Variants in LEPR observed in about 807,000 individuals in gnomAD.
The protein encoded by LEPR is OB receptor.
LEPR carries 56 observed loss-of-function variants against 114.7 expected under a neutral mutation model. That is an observed-to-expected ratio of 0.49 (90% CI 0.39 to 0.61). LEPR has a LOEUF of 0.61. Ranked by LOEUF, LEPR falls within the 20% of genes least tolerant of loss-of-function variation. The pLI is 0.00. For missense variants in LEPR, 1,202 were observed against 1,352.9 expected (o/e 0.89, Z 1.75); for synonymous variants, 443 against 461.4 (o/e 0.96, Z 0.51).
intron 2 of LEPR, among the ~76,000 whole-genome samples, chr1:65,426,967 T>C (rs1049523420): frequency 4.0e-5 from 6 of 151,238 alleles, no homozygotes; most frequent in Admixed American, 6.6e-5. Flanking sequence ...CACTGCACTC[T>C]AGCCTGGCGA....
In LEPR at chr1:65,518,895, TTCTTTCTTTCTTTCTTTCTTTC is replaced by T. The variant is rs1170360989; in HGVS notation, c.-20-46647_-20-46626del. On this transcript the variant is annotated intron_variant, in intron 2 of 19. Coordinates refer to ENST00000349533, the MANE Select transcript of LEPR (RefSeq NM_002303.6). ...TCTTTTTCTTTCTTTCTTTCTTTCT[TTCTTTCTTTCTTTCTTTCTTTC>T]TCTCTTTCTCTGTTTCTTTCTTTCT... Among the ~76,000 whole-genome samples the T allele has an allele frequency of 5.3e-3, 464 of 88,092 alleles. 3 individuals carry two copies. Among genetic ancestry groups the T allele is most frequent in the Non-Finnish European group, 0.01 (374 of 36,708 alleles). The allele number at this position is 88,092 out of a possible 152,430, so 57.8% of individuals were successfully genotyped here.
intron 2 of LEPR, chr1:65,428,058 C>T (rs1274558390): frequency 6.5e-6 from 1 of 154,728 alleles, no homozygotes; most frequent in African/African-American, 2.4e-5. Context: ...TTGCATTGCT[C>T]TGCCAATTAT....
At chr1:65,535,749 G>T (rs1650728532) in intron 2 of LEPR, among the ~76,000 whole-genome samples, 1 of 152,084 alleles carries the variant, frequency 6.6e-6, no homozygotes, top group Non-Finnish European at 1.5e-5. Flanking sequence ...TGATTAATAG[G>T]ATTCTAAACT....
chr1:65,600,158 G>A (rs1656347874), intron 8 of LEPR, among the ~76,000 whole-genome samples: 1 of 151,972 alleles, frequency 6.6e-6, no homozygotes, highest in South Asian at 2.1e-4. Context: ...AGACTTTTGA[G>A]GCAGTTGAGT....
At chr1:65,540,113 TAC>T (rs1651083273) in intron 2 of LEPR, among the ~76,000 whole-genome samples, 1 of 152,178 alleles carries the variant, frequency 6.6e-6, no homozygotes, top group Admixed American at 6.5e-5. Flanking sequence ...GTGAATTACA[TAC>T]GCAGATATTA....
intron 5 of LEPR, among the ~76,000 whole-genome samples, chr1:65,591,049 A>T (rs1655661780): frequency 6.6e-6 from 1 of 151,940 alleles, no homozygotes; most frequent in African/African-American, 2.4e-5. Context: ...GTTGTATTTT[A>T]ATTTTCATGT....
chr1:65,422,880 G>A (rs1452764086), intron 1 of LEPR, among the ~76,000 whole-genome samples: 1 of 152,202 alleles, frequency 6.6e-6, no homozygotes, highest in Non-Finnish European at 1.5e-5. Context: ...TGGCAGCGGT[G>A]ATATATATAG....
chr1:65,580,337 G>A (rs901469459), intron 5 of LEPR, among the ~76,000 whole-genome samples: 38 of 152,140 alleles, frequency 2.5e-4, no homozygotes, highest in Non-Finnish European at 4.4e-4. Flanking sequence ...CTATAGAAAA[G>A]CTTTGAATCA....
intron 2 of LEPR, among the ~76,000 whole-genome samples, chr1:65,532,428 G>A (rs937990165): frequency 1.3e-5 from 2 of 152,084 alleles, no homozygotes; most frequent in African/African-American, 2.4e-5. Context: ...AATGCTAAAC[G>A]TAAGTGTTTA....
chr1:65,524,480 G>C (rs1163752875), intron 2 of LEPR, among the ~76,000 whole-genome samples: 1 of 152,214 alleles, frequency 6.6e-6, no homozygotes, highest in Non-Finnish European at 1.5e-5. Context: ...TCTGAGAGGC[G>C]ATTCCTATGA....
chr1:65,432,525 TA>T, intron 2 of LEPR: 1 of 770,088 alleles, frequency 1.3e-6, no homozygotes, highest in Non-Finnish European at 1.6e-6. Context: ...TTCCAGTGGC[TA>T]AACCACTTAA....
chr1:65,572,297 T>C, intron 4 of LEPR, 29 bp from the exon 5 acceptor site: 1 of 1,399,982 alleles, frequency 7.1e-7, no homozygotes. Flanking sequence ...GTTGTTTTTT[T>C]TTTTTTTTTT....
At chr1:65,440,000 C>CAAAAAAAAAAAAAAAAAAAA (rs550347312) in intron 2 of LEPR, among the ~76,000 whole-genome samples, 1 of 58,136 alleles carries the variant, frequency 1.7e-5, no homozygotes, top group Non-Finnish European at 2.9e-5. Flanking sequence ...GATTCTGTCT[C>CAAAAAAAAAAAAAAAAAAAA]AAAAAAAAAA....
At chr1:65,518,923 T>TTC (rs141195595) in intron 2 of LEPR, among the ~76,000 whole-genome samples, 10,711 of 117,732 alleles carry the variant, frequency 0.091, 638 homozygotes, top group African/African-American at 0.22. Flanking sequence ...CTTTCTCTCT[T>TTC]TCTCTGTTTC....
rs1272128012 is a variant in LEPR at position 65,634,929 on chromosome 1, G to T, written c.2674-1262G>T. 6.2e-6 allele frequency: 5 copies of T among 812,350 alleles called. No individual in the cohort carries two copies. The African/African-American group carries it at 9.4e-5, about 15-fold the overall frequency. The allele number at this position is 812,350 out of a possible 1,614,324, so 50.3% of individuals were successfully genotyped here. A position where few individuals can be genotyped will look rare whatever the true frequency, so the allele number is the denominator to read the frequency against. ...TTTTCTCTTCATATATTATGATTATGAATAATAGGAAAGTTGTATTAATTC... is the reference window on the plus strand; with the variant it reads ...TTTTCTCTTCATATATTATGATTATTAATAATAGGAAAGTTGTATTAATTC... On this transcript the variant is annotated intron_variant, in intron 19 of 19. Coordinates refer to ENST00000349533, the MANE Select transcript of LEPR (RefSeq NM_002303.6).
intron 17 of LEPR, among the ~76,000 whole-genome samples, chr1:65,620,558 C>T (rs1400158176): frequency 6.6e-6 from 1 of 151,968 alleles, no homozygotes; most frequent in East Asian, 1.9e-4. Context: ...TGAAGGAAAA[C>T]AAAAGCAAGA....
At chr1:65,463,485 A>T (rs192574732) in intron 2 of LEPR, among the ~76,000 whole-genome samples, 106 of 152,266 alleles carry the variant, frequency 7.0e-4, no homozygotes, top group African/African-American at 2.4e-3. Flanking sequence ...CTTTTTGCTT[A>T]GGATTGTCTT....
At chr1:65,626,304 G>A in intron 19 of LEPR, 3 of 1,302,482 alleles carry the variant, frequency 2.3e-6, no homozygotes, top group Non-Finnish European at 2.9e-6. Flanking sequence ...TTCAAGTTCT[G>A]GTAAATTAAA....
chr1:65,435,941 A>G, intron 2 of LEPR: 2 of 985,336 alleles, frequency 2.0e-6, no homozygotes, highest in Non-Finnish European at 2.4e-6. Flanking sequence ...ACAGTGATAC[A>G]TGTAACCCCA....
Sources: allele counts gnomAD v4.1 joint callset (sites outside exome capture counted in the v4.1 genomes callset), GRCh38; gene constraint gnomAD v4.1.1; transcripts MANE v1.5; gene names NCBI Gene and HGNC (gene_info 2026-07-23, HGNC 2026-07-21).